Variants in PCDHA13 observed in about 807,000 individuals in gnomAD.
PCDHA13 encodes protocadherin alpha 13.
PCDHA13 carries 54 observed loss-of-function variants against 64.8 expected under a neutral mutation model. The observed-to-expected ratio is 0.83, with a 90% CI of 0.67 to 1.04. PCDHA13 has a LOEUF of 1.04. Ranked by LOEUF, PCDHA13 falls within the 50% of genes least tolerant of loss-of-function variation. The pLI, the probability that PCDHA13 is intolerant of heterozygous loss-of-function variation, is 0.00. For missense variants in PCDHA13, 1,248 were observed against 1,254.3 expected (o/e 0.99, Z 0.08); for synonymous variants, 587 against 564.4 (o/e 1.04, Z -0.57).
rs58232896 is a variant in PCDHA13 at position 140,946,262 on chromosome 5, C to T, written c.2395-32687C>T. Among the ~76,000 whole-genome samples the T allele has an allele frequency of 3.4e-3, 520 of 151,790 alleles. 2 individuals are homozygous for T. Among genetic ancestry groups the T allele is most frequent in the African/African-American group, 0.012 (483 of 41,394 alleles). On this transcript the variant is annotated intron_variant, in intron 1 of 3. Transcript: ENST00000289272. Reference sequence around the variant, plus strand: ...AACATCATGAATCATCAGAAAAATGCGAATTAAAACCCCAATGAGATATCA... The same window carrying T: ...AACATCATGAATCATCAGAAAAATGTGAATTAAAACCCCAATGAGATATCA...
intron 1 of PCDHA13, among the ~76,000 whole-genome samples, chr5:140,935,193 G>A (rs782043966): frequency 3.3e-5 from 5 of 152,122 alleles, no homozygotes; most frequent in Non-Finnish European, 4.4e-5. Flanking sequence ...GTCAGTTGCT[G>A]TTTCTAGGTA....
Position 140,883,190 on chromosome 5 carries a change from C to G in PCDHA13, c.922C>G (p.Leu308Val). ...TGGAGAAATTAGGACAAAAGGCAAA[C>G]TAGATTTCGAAGAAAAGAAATTATA... ...NNGEIRTKGK[L>V]DFEEKKLYEI... The change falls in exon 1 of 4, where the codon CTA becomes GTA. Residue 308 changes from leucine to valine, a missense_variant. Transcript: ENST00000289272. 6.2e-7 allele frequency: 1 copy of G among 1,613,818 alleles called. No homozygotes were observed. Among genetic ancestry groups the G allele is most frequent in the Non-Finnish European group, 8.5e-7 (1 of 1,179,984 alleles).
intron 1 of PCDHA13, among the ~76,000 whole-genome samples, chr5:140,900,317 G>A (rs188830675): frequency 3.3e-4 from 50 of 151,512 alleles, no homozygotes; most frequent in Non-Finnish European, 6.2e-4. Context: ...CACTTTTGTC[G>A]CCCAGGCTGG....
At chr5:140,998,522 A>G (rs2097818629) in intron 3 of PCDHA13, among the ~76,000 whole-genome samples, 1 of 151,980 alleles carries the variant, frequency 6.6e-6, no homozygotes, top group South Asian at 2.1e-4. Context: ...TATTATTCAT[A>G]TTTATATCCC....
At chr5:140,930,003 A>G (rs1440351209) in intron 1 of PCDHA13, 1 of 152,218 alleles carries the variant, frequency 6.6e-6, no homozygotes, top group Non-Finnish European at 1.5e-5. Flanking sequence ...ACCCTAAAAC[A>G]TAGCTGATAG....
At chr5:140,928,844 C>A (rs782361945) in intron 1 of PCDHA13, 9 of 1,614,168 alleles carry the variant, frequency 5.6e-6, no homozygotes, top group Non-Finnish European at 7.6e-6. Context: ...TCCTCTGTCA[C>A]TCTGGGTGTG....
At chr5:140,927,281 A>G (rs1554204297) in intron 1 of PCDHA13, 1 of 1,614,172 alleles carries the variant, frequency 6.2e-7, no homozygotes, top group Non-Finnish European at 8.5e-7. Flanking sequence ...GGCGACGTGC[A>G]GCTGCACATC....
At chr5:140,941,255 C>CTTTCTTTCTTTCTCTT (rs782490896) in intron 1 of PCDHA13, among the ~76,000 whole-genome samples, 1 of 44,508 alleles carries the variant, frequency 2.2e-5, no homozygotes, top group East Asian at 7.5e-4. Context: ...TTCTTTCTTT[C>CTTTCTTTCTTTCTCTT]TCTTTCTTTC....
chr5:140,949,714 T>A (rs2094416715), intron 1 of PCDHA13, among the ~76,000 whole-genome samples: 1 of 151,848 alleles, frequency 6.6e-6, no homozygotes, highest in South Asian at 2.1e-4. Flanking sequence ...TTTTACCCAT[T>A]TTGATAATAT....
In PCDHA13 at chr5:140,883,974, G is replaced by C; in HGVS notation, c.1706G>C (p.Gly569Ala). The C allele has an allele frequency of 6.2e-7, 1 of 1,612,962 alleles. No individual in the cohort carries two copies. The highest frequency in any genetic ancestry group is 8.5e-7 in the Non-Finnish European group (1 of 1,179,658). The change falls in exon 1 of 4, where the codon GGG (glycine) becomes GCG (alanine). Residue 569 changes from glycine to alanine, a missense_variant. Transcript: ENST00000289272. The part of the protein sequence containing the change: ...NDNAPALLTP[G>A]AGSAGGTVSE... ...AACGCTCCGGCGCTGCTGACGCCCG[G>C]GGCTGGCAGCGCGGGAGGCACAGTG... is the stretch of plus-strand genomic sequence containing the variant.
chr5:140,918,494 G>A (rs1252984580), intron 1 of PCDHA13, among the ~76,000 whole-genome samples: 2 of 152,098 alleles, frequency 1.3e-5, no homozygotes, highest in Non-Finnish European at 2.9e-5. Context: ...GCTTTGGATG[G>A]TACCAATCCT....
At chr5:140,960,131 C>T (rs781965980) in intron 1 of PCDHA13, among the ~76,000 whole-genome samples, 11 of 152,114 alleles carry the variant, frequency 7.2e-5, no homozygotes, top group African/African-American at 9.7e-5. Context: ...TTATGAAATA[C>T]TTAGATATTA....
chr5:140,942,901 A>T (rs1361297196), intron 1 of PCDHA13, among the ~76,000 whole-genome samples: 1 of 152,094 alleles, frequency 6.6e-6, no homozygotes, highest in East Asian at 1.9e-4. Context: ...TATCTCTAAG[A>T]ATAAGCGTGA....
intron 3 of PCDHA13, among the ~76,000 whole-genome samples, chr5:141,005,068 A>C (rs1314916800): frequency 6.6e-6 from 1 of 152,256 alleles, no homozygotes. Flanking sequence ...GCATTGTGCT[A>C]AGGATCAAGC....
chr5:140,936,337 C>G (rs1226552278), intron 1 of PCDHA13, among the ~76,000 whole-genome samples: 17 of 152,160 alleles, frequency 1.1e-4, no homozygotes, highest in Non-Finnish European at 1.5e-5. Context: ...TTTTCTCTAT[C>G]TGCATATATG....
chr5:140,891,076 A>G (rs2062939819), intron 1 of PCDHA13, among the ~76,000 whole-genome samples: 1 of 152,160 alleles, frequency 6.6e-6, no homozygotes, highest in African/African-American at 2.4e-5. Flanking sequence ...TCCAGTGTCT[A>G]CTGGTTTCCA....
intron 1 of PCDHA13, chr5:140,926,925 G>C (rs1554203816): frequency 6.4e-7 from 1 of 1,574,118 alleles, no homozygotes; most frequent in South Asian, 1.2e-5. Context: ...TTTTATGTTT[G>C]TGGGTTTCCT....
At chr5:140,890,968 T>C (rs559851253) in intron 1 of PCDHA13, among the ~76,000 whole-genome samples, 7 of 152,190 alleles carry the variant, frequency 4.6e-5, no homozygotes, top group African/African-American at 7.2e-5. Flanking sequence ...AGGTTTTGTT[T>C]TTCTGAAAAT....
intron 1 of PCDHA13, among the ~76,000 whole-genome samples, chr5:140,912,600 T>C (rs2075993093): frequency 6.6e-6 from 1 of 152,156 alleles, no homozygotes; most frequent in African/African-American, 2.4e-5. Context: ...CTTTATTTCT[T>C]CCTCTTGTCT....
Sources: gnomAD v4.1 joint callset for allele counts (sites outside exome capture counted in the v4.1 genomes callset) on GRCh38, gnomAD v4.1.1 for gene constraint, MANE v1.5 for transcripts, NCBI Gene and HGNC (gene_info 2026-07-23, HGNC 2026-07-21) for gene names.